HMCN1: variants seen among roughly 807,000 people sequenced by gnomAD.
HMCN1 encodes the protein hemicentin 1.
Under a neutral mutation model 625.9 loss-of-function variants are expected in HMCN1, and 321 were observed. That is an observed-to-expected ratio of 0.51 (90% CI 0.47 to 0.56). The LOEUF (loss-of-function observed/expected upper bound fraction) is 0.56, where lower values mean the gene tolerates loss of function less well. Among genes scored for constraint, HMCN1 ranks in the 20% least tolerant of loss-of-function variants. HMCN1 has a pLI of 0.00. For synonymous variants in HMCN1, 2,425 were observed against 2,417.6 expected, an observed-to-expected ratio of 1.00 and a Z score of -0.09; for missense variants, 6,588 against 6,887.3, an observed-to-expected ratio of 0.96 and a Z score of 1.54.
intron 91 of HMCN1, 88 bp from the exon 92 acceptor site, chr1:186,145,311 CTTTT>C (rs5779272): frequency 5.7e-5 from 75 of 1,310,970 alleles, no homozygotes; most frequent in Admixed American, 2.5e-5. Context: ...TGAGAAGAGA[CTTTT>C]TTTTTAATAC....
chr1:186,178,884 G>C, intron 104 of HMCN1, 118 bp downstream of exon 104: 2 of 786,324 alleles, frequency 2.5e-6, no homozygotes, highest in Middle Eastern at 3.3e-4. Flanking sequence ...AGTTCGGAAT[G>C]ACTCAAAATT....
chr1:185,965,759 T>C (rs1650360969), intron 13 of HMCN1, 43 bp from the exon 14 acceptor site: 2 of 1,049,058 alleles, frequency 1.9e-6, no homozygotes, highest in East Asian at 4.7e-5. Context: ...ATCCATCTGG[T>C]CTTGTGCTAA....
At chr1:185,742,018 G>A (rs1654025313) in intron 1 of HMCN1, among the ~76,000 whole-genome samples, 1 of 151,360 alleles carries the variant, frequency 6.6e-6, no homozygotes, top group African/African-American at 2.5e-5. Flanking sequence ...TTTGATCATA[G>A]GGCTAAAATT....
At chr1:186,015,854 G>T in intron 31 of HMCN1, 104 bp from the exon 32 acceptor site, 1 of 1,103,678 alleles carries the variant, frequency 9.1e-7, no homozygotes, top group Non-Finnish European at 1.4e-6. Context: ...AGATTTTAAT[G>T]GTCAAACTTT....
At chr1:185,812,933 A>T (rs1161081436) in intron 1 of HMCN1, among the ~76,000 whole-genome samples, 1 of 152,154 alleles carries the variant, frequency 6.6e-6, no homozygotes, top group Non-Finnish European at 1.5e-5. Flanking sequence ...TTACAAAGAT[A>T]ACTATTATAA....
intron 36 of HMCN1, among the ~76,000 whole-genome samples, chr1:186,033,642 G>A (rs1655631924): frequency 6.6e-6 from 1 of 151,894 alleles, no homozygotes; most frequent in Admixed American, 6.6e-5. Flanking sequence ...GATTGACACT[G>A]CAGATAGAGA....
chr1:185,939,485 G>C (rs949822936), intron 11 of HMCN1, among the ~76,000 whole-genome samples: 2 of 152,148 alleles, frequency 1.3e-5, no homozygotes, highest in Admixed American at 1.3e-4. Flanking sequence ...TGATTGTTTG[G>C]GGGCAGCAGA....
intron 15 of HMCN1, among the ~76,000 whole-genome samples, chr1:185,975,223 T>A (rs1452211091): frequency 6.6e-6 from 1 of 152,170 alleles, no homozygotes; most frequent in African/African-American, 2.4e-5. Context: ...AGACTTCGTG[T>A]ATTCGTCCGT....
At chr1:185,972,131 G>T (rs755531249) in intron 15 of HMCN1, among the ~76,000 whole-genome samples, 3 of 151,968 alleles carry the variant, frequency 2.0e-5, no homozygotes, top group Admixed American at 6.6e-5. Context: ...ACCTCCTTCC[G>T]GCACAGATAT....
intron 41 of HMCN1, among the ~76,000 whole-genome samples, chr1:186,047,595 A>G (rs552673759): frequency 6.6e-6 from 1 of 152,272 alleles, no homozygotes; most frequent in African/African-American, 2.4e-5. Context: ...CTCAATAAAT[A>G]TTAATCCCTC....
intron 1 of HMCN1, among the ~76,000 whole-genome samples, chr1:185,819,433 C>T (rs1660051325): frequency 6.6e-6 from 1 of 152,068 alleles, no homozygotes; most frequent in African/African-American, 2.4e-5. Context: ...ATACTTTTTC[C>T]TATTTATCAC....
intron 89 of HMCN1, among the ~76,000 whole-genome samples, chr1:186,141,452 T>G (rs1165386161): frequency 6.6e-6 from 1 of 152,224 alleles, no homozygotes; most frequent in Non-Finnish European, 1.5e-5. Flanking sequence ...TCAAACTTAT[T>G]TTGTACTTTC....
chr1:186,069,244 A>G (rs1411991071), intron 50 of HMCN1, among the ~76,000 whole-genome samples: 3 of 152,226 alleles, frequency 2.0e-5, no homozygotes. Flanking sequence ...TGGTCAATTG[A>G]GAACGATTGA....
At chr1:185,894,996 T>C (rs1463196526) in intron 4 of HMCN1, among the ~76,000 whole-genome samples, 1 of 151,320 alleles carries the variant, frequency 6.6e-6, no homozygotes, top group Admixed American at 6.5e-5. Context: ...AGTTATCAAT[T>C]TGGCTTTCCT....
At chr1:185,741,594 A>G (rs1403133115) in intron 1 of HMCN1, among the ~76,000 whole-genome samples, 1 of 152,220 alleles carries the variant, frequency 6.6e-6, no homozygotes, top group Non-Finnish European at 1.5e-5. Context: ...ATGTTTAGCA[A>G]TCAGAGAGAT....
chr1:186,083,943 G>C (rs1166536581), intron 57 of HMCN1, among the ~76,000 whole-genome samples: 1 of 152,152 alleles, frequency 6.6e-6, no homozygotes, highest in East Asian at 1.9e-4. Context: ...TTCTCAGGAA[G>C]AATGAATTAA....
At position 186,173,662 on chromosome 1, in the gene HMCN1, A is replaced by AG. The variant is rs1491280493; in HGVS notation, c.15815-851dup. Reference sequence around the variant, plus strand: ...TCTCAAAAAAAAAAAAAAAGAAAAAAGAAAAAAAAAAAGTAGCAGCCAACT... The same window carrying AG: ...TCTCAAAAAAAAAAAAAAAGAAAAAAGGAAAAAAAAAAAGTAGCAGCCAACT... On this transcript the variant is annotated intron_variant, in intron 102 of 106. Coordinates refer to ENST00000271588, the MANE Select transcript of HMCN1 (RefSeq NM_031935.3). 3.3e-5 allele frequency among the ~76,000 whole-genome samples: 5 copies of AG among 151,036 alleles called. No individual in the cohort carries two copies. In the East Asian group the frequency reaches 9.7e-4, roughly 29 times the overall value.
intron 1 of HMCN1, among the ~76,000 whole-genome samples, chr1:185,751,696 T>C (rs767710557): frequency 2.0e-5 from 3 of 152,164 alleles, no homozygotes; most frequent in Non-Finnish European, 4.4e-5. Context: ...ATTTTCTCTT[T>C]GCTGCATTTT....
chr1:186,162,255 G>C (rs1296464989), intron 97 of HMCN1, among the ~76,000 whole-genome samples: 1 of 152,130 alleles, frequency 6.6e-6, no homozygotes, highest in Admixed American at 6.5e-5. Context: ...TCGAGCCTTG[G>C]CTTTCAGCTC....
Sources: allele counts gnomAD v4.1 joint callset (sites outside exome capture counted in the v4.1 genomes callset), GRCh38; gene constraint gnomAD v4.1.1; transcripts MANE v1.5; gene names NCBI Gene and HGNC (gene_info 2026-07-23, HGNC 2026-07-21).